PPM1F: variants seen among roughly 807,000 people sequenced by gnomAD.
PPM1F encodes protein phosphatase 1F.
In PPM1F, 17 loss-of-function variants were observed where a neutral mutation model predicts 35.5. The ratio of observed to expected loss-of-function variants is 0.48; its 90% CI spans 0.33 to 0.72. The LOEUF (loss-of-function observed/expected upper bound fraction) is 0.72, where lower values mean the gene tolerates loss of function less well. Among genes scored for constraint, PPM1F ranks in the 30% least tolerant of loss-of-function variants. PPM1F has a pLI of 0.02. For synonymous variants in PPM1F, 241 were observed against 255.5 expected (o/e 0.94, Z 0.54); for missense variants, 521 against 613.0 (o/e 0.85, Z 1.59).
chr22:21,942,949 A>G (rs1371888716), intron 2 of PPM1F: 1 of 152,326 alleles, frequency 6.6e-6, no homozygotes, highest in African/African-American at 2.4e-5. Flanking sequence ...GGGCTGTTAC[A>G]AGAGGCTTAT....
rs1270856656 is a variant in PPM1F, at chr22:21,919,841, C to CT, written c.*3250dup. ...TGTCCTCCCAGCCCTGGGAACACGG[C>CT]TGAGACGGCCCGGTGCCCACGCTGG... On this transcript the variant is annotated 3_prime_UTR_variant, in exon 8 of 8. Transcript: ENST00000263212. 1.3e-5 allele frequency: 2 copies of CT among 152,370 alleles called. No individual in the cohort carries two copies. The highest frequency in any genetic ancestry group is 4.8e-5 in the African/African-American group (2 of 41,482). 9.4% of individuals were successfully genotyped at this position (152,370 alleles called of 1,614,324 possible). A position where few individuals can be genotyped will look rare whatever the true frequency, so the allele number is the denominator to read the frequency against.
chr22:21,927,864 A>G lies in PPM1F; in HGVS notation c.892-2202T>C, dbSNP rs117769827. On this transcript the variant is annotated intron_variant, in intron 6 of 7. Transcript: ENST00000263212. ...AGGCTCAGTCTGGTCCGGGACTAAC[A>G]TATCCCCAGGCTAAGGGGTCTTGTC... 4.7e-5 allele frequency among the ~76,000 whole-genome samples: 7 copies of G among 150,016 alleles called. No homozygotes were observed. The East Asian group carries it at 1.4e-3, about 30-fold the overall frequency.
intron 3 of PPM1F, chr22:21,938,203 C>G (rs1301776826): frequency 1.5e-6 from 2 of 1,303,310 alleles, no homozygotes; most frequent in Admixed American, 2.3e-5. Flanking sequence ...CTCCTTCTCA[C>G]CGGCAGGTGG....
chr22:21,948,801 G>A (rs1286866561), intron 1 of PPM1F: 1 of 152,326 alleles, frequency 6.6e-6, no homozygotes, highest in African/African-American at 2.4e-5. Context: ...GCACACAGAG[G>A]GCCCCCCTGG....
At chr22:21,930,917 G>C (rs531804442) in intron 6 of PPM1F, among the ~76,000 whole-genome samples, 2 of 152,326 alleles carry the variant, frequency 1.3e-5, no homozygotes, top group Non-Finnish European at 2.9e-5. Flanking sequence ...TCAGTGCAGA[G>C]GGCTCTGCTC....
intron 3 of PPM1F, chr22:21,937,169 G>C (rs1203182321): frequency 6.6e-6 from 1 of 152,376 alleles, no homozygotes; most frequent in Non-Finnish European, 1.5e-5. Context: ...ACACCCAAAG[G>C]ACATGGGGAA....
intron 6 of PPM1F, among the ~76,000 whole-genome samples, chr22:21,930,143 A>C (rs2070571982): frequency 6.6e-6 from 1 of 152,228 alleles, no homozygotes; most frequent in Non-Finnish European, 1.5e-5. Flanking sequence ...CTCACTCTGT[A>C]ACAGAAAAGC....
Position 21,923,132 on chromosome 22 carries a change from C to G in PPM1F, c.1325G>C (p.Ser442Thr), listed in dbSNP as rs1361583215. 6.2e-7 allele frequency: 1 copy of G among 1,612,914 alleles called. No individual in the cohort carries two copies. Residue 442 changes from serine (S) to threonine (T), a missense_variant, in exon 8 of 8, where the codon AGC becomes ACC. Ser to Thr is a moderately conservative substitution (Grantham distance 58, BLOSUM62 1). Around this residue, in one of 3 missense-constraint regions of PPM1F, gnomAD observed 163 missense variants for 169.6 expected, o/e 0.96. Coordinates refer to ENST00000263212, the MANE Select transcript of PPM1F (RefSeq NM_014634.4). The part of the protein sequence containing the change: ...AEGRRQDLPS[S>T]LPEPETQAPP... ...AGCCTGGGTCTCAGGTTCTGGAAGG[C>G]TGGAGGGCAAGTCCTGCCTCCTCCC...
chr22:21,949,664 C>T (rs897502519), intron 1 of PPM1F: 1 of 152,274 alleles, frequency 6.6e-6, no homozygotes, highest in African/African-American at 2.4e-5. Context: ...TGAAAAACTC[C>T]GAATAAGAGG....
Position 21,939,443 on chromosome 22 carries a change from G to C in PPM1F, c.355+89C>G. 1 of 1,543,166 alleles carries C rather than the reference G, an allele frequency of 6.5e-7. No individual in the cohort carries two copies. Among genetic ancestry groups the C allele is most frequent in the South Asian group, 1.2e-5 (1 of 81,628 alleles). On this transcript the variant is annotated intron_variant, in intron 3 of 7. Transcript: ENST00000263212. The surrounding 1 kb of genome is among the most constrained non-coding windows in gnomAD (Gnocchi z 5.1). ...GAGCGAGGGCCCCAGCACCCTTAGG[G>C]ACCCCAATCAATGGGCTTCCCACAA...
chr22:21,934,342 A>G, intron 3 of PPM1F, 116 bp from the exon 4 acceptor site: 6 of 788,910 alleles, frequency 7.6e-6, no homozygotes, highest in Non-Finnish European at 1.2e-5. Flanking sequence ...CTCCCGGGGC[A>G]TTGTGAGCAC....
rs771920256 is a variant in PPM1F at position 21,934,114 on chromosome 22, C to T, written c.468G>A (p.Leu156=). ...LAARASQRQW[L]VSIHAIRNTR... is the part of the protein sequence containing the mutation. ...TGTTCCGGATGGCGTGGATGGAGAC[C>T]AGCCACTGCCGCTGTGAGGCCCGGG... The change falls in exon 4 of 8, where the codon CTG becomes CTA. Residue 156 remains leucine, a synonymous_variant. Coordinates refer to ENST00000263212, the MANE Select transcript of PPM1F (RefSeq NM_014634.4). The T allele has an allele frequency of 1.3e-6, 2 of 1,566,316 alleles. No individual in the cohort carries two copies. Among genetic ancestry groups the T allele is most frequent in the Admixed American group, 1.9e-5 (1 of 52,760 alleles).
chr22:21,938,022 T>C (rs1009249090), intron 3 of PPM1F: 17 of 1,139,948 alleles, frequency 1.5e-5, no homozygotes, highest in Middle Eastern at 5.0e-4. Flanking sequence ...TACATTCTAC[T>C]TCCGTGACAG....
chr22:21,925,629 A>AGCCACCCAAT lies in PPM1F; in HGVS notation c.915_924dup (p.Phe309IlefsTer55), dbSNP rs1378464843. The AGCCACCCAAT allele has an allele frequency of 6.2e-7, 1 of 1,604,612 alleles. No homozygotes were observed. On this transcript the variant is annotated frameshift_variant, in exon 7 of 8. Transcript: ENST00000263212. LOFTEE classifies it high-confidence loss of function. ...CTCCAGCAGTCCATGTGAGACACAA[A>AGCCACCCAAT]GCCACCCAATGCTTCAATGCGCGCC...
rs529685791 is a variant in PPM1F, at chr22:21,931,371, G to A, written c.748-80C>T. The A allele has an allele frequency of 1.4e-4, 192 of 1,367,180 alleles. 1 individual carries two copies. The Middle Eastern group carries it at 1.4e-3, about 10-fold the overall frequency. 84.7% of individuals were successfully genotyped at this position (1,367,180 alleles called of 1,614,324 possible). ...TGACACGGGGCAGGATGAAGCTTCC[G>A]GGGGTGATGAATACTTCCGTTACTG... On this transcript the variant is annotated intron_variant, in intron 5 of 7. Transcript: ENST00000263212.
Position 21,945,974 on chromosome 22 carries a change from C to G in PPM1F, c.75G>C (p.Thr25=). ...GCAGGGCTGGGAAGTCTTGCAGGAG[C>G]GTGTCCAGGAAGCCTGGGGTCTCCT... ...GAEETPGFLD[T]LLQDFPALLN... The change falls in exon 2 of 8, where the codon ACG becomes ACC. Residue 25 remains threonine (T), a synonymous_variant. Transcript: ENST00000263212. The G allele has an allele frequency of 6.2e-7, 1 of 1,610,428 alleles. No individual in the cohort carries two copies. The highest frequency in any genetic ancestry group is 8.5e-7 in the Non-Finnish European group (1 of 1,178,100).
intron 6 of PPM1F, among the ~76,000 whole-genome samples, chr22:21,926,695 C>T (rs1441886665): frequency 6.6e-6 from 1 of 152,202 alleles, no homozygotes; most frequent in African/African-American, 2.4e-5. Flanking sequence ...CCCAAGTCTA[C>T]TGGGGGAAGA....
At chr22:21,930,460 C>CA (rs2070575846) in intron 6 of PPM1F, among the ~76,000 whole-genome samples, 1 of 152,220 alleles carries the variant, frequency 6.6e-6, no homozygotes, top group Non-Finnish European at 1.5e-5. Context: ...CATGCTCACC[C>CA]ACAAGGGACT....
In PPM1F at chr22:21,933,326, G is replaced by C. The variant is rs889277616; in HGVS notation, c.747+65C>G. On this transcript the variant is annotated intron_variant, in intron 5 of 7. Coordinates refer to ENST00000263212, the MANE Select transcript of PPM1F (RefSeq NM_014634.4). ...CACCAGCCCCTTTGGCGTTTTTCCCGCTGCAGAGGCTGGGACTCTCACTGG... is the reference window on the plus strand; with the variant it reads ...CACCAGCCCCTTTGGCGTTTTTCCCCCTGCAGAGGCTGGGACTCTCACTGG... 4.4e-5 allele frequency: 64 copies of C among 1,458,464 alleles called. 1 individual carries two copies. The South Asian group carries it at 7.6e-4, about 17-fold the overall frequency. 90.3% of individuals were successfully genotyped at this position (1,458,464 alleles called of 1,614,324 possible).
Sources: gnomAD v4.1 joint callset for allele counts (sites outside exome capture counted in the v4.1 genomes callset) on GRCh38, gnomAD v4.1.1 for gene constraint, gnomAD v4.1.1 regional missense constraint, Gnocchi (gnomAD v3.1) non-coding constraint, MANE v1.5 for transcripts, NCBI Gene and HGNC (gene_info 2026-07-23, HGNC 2026-07-21) for gene names.